The following DYNC1I1 variants were observed in gnomAD, a reference collection of about 807,000 sequenced individuals.
DYNC1I1 encodes cytoplasmic dynein 1 intermediate chain 1.
DYNC1I1 carries 43 observed loss-of-function variants against 86.6 expected under a neutral mutation model. The ratio of observed to expected loss-of-function variants is 0.50; its 90% CI spans 0.39 to 0.64. The LOEUF is 0.64. Ranked by LOEUF, DYNC1I1 falls within the 30% of genes least tolerant of loss-of-function variation. DYNC1I1 has a pLI of 0.00. For missense variants in DYNC1I1, 604 were observed against 788.8 expected (o/e 0.77, Z 2.81); for synonymous variants, 262 against 283.7 (o/e 0.92, Z 0.77).
chr7:96,043,328 G>A (rs1193010028), intron 14 of DYNC1I1, among the ~76,000 whole-genome samples: 1 of 152,010 alleles, frequency 6.6e-6, no homozygotes, highest in Non-Finnish European at 1.5e-5. Context: ...CACCTTTGAA[G>A]TAGGCTTACA....
intron 3 of DYNC1I1, among the ~76,000 whole-genome samples, chr7:95,812,447 T>C (rs1257231327): frequency 6.6e-6 from 1 of 152,164 alleles, no homozygotes; most frequent in African/African-American, 2.4e-5. Flanking sequence ...ATGCCTGCTC[T>C]CAGATTTTCA....
rs1236489557 is a variant in DYNC1I1 at position 95,846,627 on chromosome 7, C to CTGTGTGTGTGTG, written c.374+18540_374+18551dup. ...GAACATAAATGATAAATCTCTCTCT[C>CTGTGTGTGTGTG]TGTGTGTGTGTGTGTGTGTGTGTGT... On this transcript the variant is annotated intron_variant, in intron 5 of 16. Coordinates refer to ENST00000447467, the MANE Select transcript of DYNC1I1 (RefSeq NM_001135556.2). Among the ~76,000 whole-genome samples, 98 of 136,580 alleles carry CTGTGTGTGTGTG rather than the reference C, an allele frequency of 7.2e-4. 1 individual carries two copies. Among genetic ancestry groups the CTGTGTGTGTGTG allele is most frequent in the Non-Finnish European group, 1.1e-3 (72 of 63,598 alleles). The allele number at this position is 136,580 out of a possible 152,430, so 89.6% of individuals were successfully genotyped here.
At chr7:95,851,818 C>G (rs1584277944) in intron 5 of DYNC1I1, among the ~76,000 whole-genome samples, 2 of 152,286 alleles carry the variant, frequency 1.3e-5, no homozygotes, top group African/African-American at 4.8e-5. Context: ...GCATGTGCCA[C>G]CACGCCTGGC....
intron 6 of DYNC1I1, among the ~76,000 whole-genome samples, chr7:95,882,854 A>T (rs957690213): frequency 2.0e-5 from 3 of 152,196 alleles, no homozygotes; most frequent in African/African-American, 7.2e-5. Flanking sequence ...TTTGGGTAAG[A>T]AAATGAAAGG....
At position 95,776,326 on chromosome 7, in the gene DYNC1I1, C is replaced by T. The variant is rs141932626; in HGVS notation, c.-10+3553C>T. On this transcript the variant is annotated intron_variant, in intron 1 of 16. Coordinates refer to ENST00000447467, the MANE Select transcript of DYNC1I1 (RefSeq NM_001135556.2). ...AGTTTCCATCGTAACATAGATACCT[C>T]TGCCTAGGTGCTAATCCTCATGAGC... Among the ~76,000 whole-genome samples the T allele has an allele frequency of 9.8e-5, 15 of 152,312 alleles. No homozygotes were observed. The East Asian group carries it at 1.9e-3, about 20-fold the overall frequency.
intron 9 of DYNC1I1, among the ~76,000 whole-genome samples, chr7:95,993,900 A>T (rs1295297252): frequency 6.6e-6 from 1 of 152,204 alleles, no homozygotes; most frequent in African/African-American, 2.4e-5. Context: ...CATAATCCTG[A>T]TACTATTTTT....
chr7:95,983,256 C>T (rs1289366511), intron 7 of DYNC1I1, among the ~76,000 whole-genome samples: 1 of 152,156 alleles, frequency 6.6e-6, no homozygotes, highest in Non-Finnish European at 1.5e-5. Context: ...AGTCTCAGTA[C>T]ACACTGGAAT....
At chr7:95,855,618 G>T (rs978960147) in intron 5 of DYNC1I1, among the ~76,000 whole-genome samples, 4 of 152,170 alleles carry the variant, frequency 2.6e-5, no homozygotes, top group Admixed American at 6.5e-5. Flanking sequence ...AGCGTTGATG[G>T]AATATATCCC....
intron 5 of DYNC1I1, among the ~76,000 whole-genome samples, chr7:95,856,290 C>A (rs1042041387): frequency 6.6e-6 from 1 of 152,136 alleles, no homozygotes; most frequent in African/African-American, 2.4e-5. Flanking sequence ...TCTTCAGGGG[C>A]AATAATACAC....
In DYNC1I1 at chr7:95,908,968, TG is replaced by T. The variant is rs1224836296; in HGVS notation, c.490+38976del. 3.3e-5 allele frequency among the ~76,000 whole-genome samples: 5 copies of T among 150,114 alleles called. No individual in the cohort carries two copies. The East Asian group carries it at 9.8e-4, about 29-fold the overall frequency. On this transcript the variant is annotated intron_variant, in intron 6 of 16. Coordinates refer to ENST00000447467, the MANE Select transcript of DYNC1I1 (RefSeq NM_001135556.2). ...TGATGGGAGGACTATGGGACGGCAGTGGGGGGAAATTAGAGAGTTGGGCACA... is the reference window on the plus strand; with the variant it reads ...TGATGGGAGGACTATGGGACGGCAGTGGGGGAAATTAGAGAGTTGGGCACA...
chr7:95,942,393 C>G (rs563818304), intron 6 of DYNC1I1, among the ~76,000 whole-genome samples: 2 of 152,234 alleles, frequency 1.3e-5, no homozygotes, highest in South Asian at 4.2e-4. Context: ...GCTTACCAAC[C>G]AAAAAGAGCC....
chr7:96,019,267 T>A (rs1794480676), intron 10 of DYNC1I1, among the ~76,000 whole-genome samples: 1 of 149,420 alleles, frequency 6.7e-6, no homozygotes, highest in Non-Finnish European at 1.5e-5. Flanking sequence ...ATCTCTTGAA[T>A]TTATTCCTTC....
At chr7:95,882,758 G>T (rs1318872839) in intron 6 of DYNC1I1, among the ~76,000 whole-genome samples, 1 of 152,150 alleles carries the variant, frequency 6.6e-6, no homozygotes, top group Non-Finnish European at 1.5e-5. Context: ...GTGGGAAAAA[G>T]TTTTCCTTTC....
At chr7:95,847,359 T>A (rs3779484) in intron 5 of DYNC1I1, among the ~76,000 whole-genome samples, 14,226 of 152,152 alleles carry the variant, frequency 0.093, 710 homozygotes, top group South Asian at 0.13. Flanking sequence ...TATCCTAGAT[T>A]CGGTTTTGTT....
chr7:96,065,911 T>C (rs1208478622), intron 14 of DYNC1I1, among the ~76,000 whole-genome samples: 1 of 152,236 alleles, frequency 6.6e-6, no homozygotes, highest in East Asian at 1.9e-4. Flanking sequence ...CGTCATTCAG[T>C]TGACTGCACT....
intron 14 of DYNC1I1, among the ~76,000 whole-genome samples, chr7:96,071,733 T>C (rs1790165573): frequency 3.3e-5 from 5 of 152,178 alleles, no homozygotes; most frequent in Admixed American, 3.3e-4. Context: ...ATAGATAACA[T>C]CCTCAGGATC....
intron 6 of DYNC1I1, among the ~76,000 whole-genome samples, chr7:95,970,941 G>T (rs1251309745): frequency 1.3e-5 from 2 of 148,546 alleles, no homozygotes; most frequent in Non-Finnish European, 1.5e-5. Context: ...AAGACAGGCA[G>T]ATTCAAGACA....
chr7:95,863,130 A>G (rs1789931455), intron 5 of DYNC1I1, among the ~76,000 whole-genome samples: 1 of 152,184 alleles, frequency 6.6e-6, no homozygotes, highest in South Asian at 2.1e-4. Context: ...AAGTCTAACA[A>G]CTGATGAATG....
rs534948567 is a variant in DYNC1I1 at position 96,040,210 on chromosome 7, G to A, written c.1509+789G>A. Among the ~76,000 whole-genome samples, 77 of 151,662 alleles carry A rather than the reference G, an allele frequency of 5.1e-4. 2 individuals carry two copies. The South Asian group carries it at 0.016, about 31-fold the overall frequency. The stretch of plus-strand genomic sequence containing the variant: ...GATTGGGCCACTGCATTCCAGCCTG[G>A]GTGACAGAGCCAGACTCCATCTCAA... On this transcript the variant is annotated intron_variant, in intron 14 of 16. Coordinates refer to ENST00000447467, the MANE Select transcript of DYNC1I1 (RefSeq NM_001135556.2).
Sources: gnomAD v4.1 joint callset for allele counts (sites outside exome capture counted in the v4.1 genomes callset) on GRCh38, gnomAD v4.1.1 for gene constraint, MANE v1.5 for transcripts, NCBI Gene and HGNC (gene_info 2026-07-23, HGNC 2026-07-21) for gene names.